INTS9: variants seen among roughly 807,000 people sequenced by gnomAD.
INTS9 encodes the protein integrator complex subunit 9, also known as protein related to CPSF subunits of 74 kDa.
In INTS9, 55 loss-of-function variants were observed where a neutral mutation model predicts 79.7. The observed-to-expected ratio is 0.69, with a 90% CI of 0.56 to 0.86. The LOEUF (loss-of-function observed/expected upper bound fraction) is 0.86, where lower values mean the gene tolerates loss of function less well. Among genes scored for constraint, INTS9 ranks in the 40% least tolerant of loss-of-function variants. The probability of loss-of-function intolerance (pLI) is 0.00; values close to 1 mark genes in which losing one functional copy is unlikely to be tolerated. For synonymous variants in INTS9, 319 were observed against 325.2 expected (o/e 0.98, Z 0.20); for missense variants, 721 against 831.5 (o/e 0.87, Z 1.64).
At chr8:28,770,058 G>C in intron 15 of INTS9, 32 bp from the exon 16 acceptor site, 1 of 1,608,910 alleles carries the variant, frequency 6.2e-7, no homozygotes, top group Non-Finnish European at 8.5e-7. Flanking sequence ...GCTTTCATGA[G>C]CTTCCTCTGA....
rs377176771 is a variant in INTS9, at chr8:28,837,748, T to A, written c.290A>T (p.Asp97Val). 6.2e-7 allele frequency: 1 copy of A among 1,613,946 alleles called. No individual in the cohort carries two copies. The highest frequency in any genetic ancestry group is 8.5e-7 in the Non-Finnish European group (1 of 1,179,878). Residue 97 changes from aspartate (D) to valine (V), a missense_variant, in exon 5 of 17, where the codon GAT (aspartate) becomes GTT (valine). Physicochemically the swap from Asp to Val is radical, Grantham distance 152 (BLOSUM62 -3). Around this residue, in one of 3 missense-constraint regions of INTS9, gnomAD observed 291 missense variants for 307.0 expected, o/e 0.95. Coordinates refer to ENST00000521022, the MANE Select transcript of INTS9 (RefSeq NM_018250.4). The part of the protein sequence containing the change: ...ETELIDLSTV[D>V]VILISNYHCM... ...GTGATAGTTAGAGATGAGAATCACA[T>A]CTACTGTAGACAGATCTATTAGCTC... is the stretch of plus-strand genomic sequence containing the variant.
chr8:28,889,962 T>C lies in INTS9; in HGVS notation c.-80A>G, dbSNP rs540201903. On this transcript the variant is annotated 5_prime_UTR_variant, in exon 1 of 17. Coordinates refer to ENST00000521022, the MANE Select transcript of INTS9 (RefSeq NM_018250.4). Reference sequence around the variant, plus strand: ...GTCTTCCGGTGCAATCTCCGCCACCTGCCAGCCGAGAGCATCGCGGGACTT... The same window carrying C: ...GTCTTCCGGTGCAATCTCCGCCACCCGCCAGCCGAGAGCATCGCGGGACTT... 4.1e-6 allele frequency: 5 copies of C among 1,206,676 alleles called. No individual in the cohort carries two copies. In the African/African-American group the frequency reaches 6.0e-5, roughly 14 times the overall value. The allele number at this position is 1,206,676 out of a possible 1,614,324, so 74.7% of individuals were successfully genotyped here.
intron 6 of INTS9, among the ~76,000 whole-genome samples, chr8:28,822,695 AG>A (rs1304711486): frequency 2.0e-5 from 3 of 152,266 alleles, no homozygotes; most frequent in African/African-American, 7.2e-5. Context: ...CTAAAGATCT[AG>A]GTTCAAAATA....
In INTS9 at chr8:28,769,897, G is replaced by A; in HGVS notation, c.1792C>T (p.Leu598=). The change falls in exon 16 of 17, where the codon CTG becomes TTG. Residue 598 remains leucine (L), a synonymous_variant. Coordinates refer to ENST00000521022, the MANE Select transcript of INTS9 (RefSeq NM_018250.4). ...CAGCGAAACCAGCTCACCTTCTCCA[G>A]GGTCTGCACGAACTGCTCCACAGGG... is the stretch of plus-strand genomic sequence containing the variant. ...SIPVEQFVQT[L]EKHGFSDIKV... is the part of the protein sequence containing the mutation. 4 of 1,614,088 alleles carry A rather than the reference G, an allele frequency of 2.5e-6. No individual in the cohort carries two copies. Among genetic ancestry groups the A allele is most frequent in the Non-Finnish European group, 3.4e-6 (4 of 1,179,980 alleles).
intron 4 of INTS9, among the ~76,000 whole-genome samples, chr8:28,839,862 A>C (rs1162205155): frequency 6.1e-5 from 9 of 148,674 alleles, no homozygotes; most frequent in East Asian, 3.9e-4. Flanking sequence ...AGGCATTACC[A>C]TTCAGGACAT....
intron 8 of INTS9, among the ~76,000 whole-genome samples, chr8:28,809,836 C>T (rs916682708): frequency 3.9e-5 from 6 of 152,188 alleles, no homozygotes; most frequent in Admixed American, 1.3e-4. Flanking sequence ...AAAATAGCAA[C>T]GTCCCCTCTA....
intron 4 of INTS9, among the ~76,000 whole-genome samples, chr8:28,842,921 G>A (rs1274332409): frequency 6.6e-6 from 1 of 152,104 alleles, no homozygotes. Flanking sequence ...GTGTGATGAG[G>A]CTCAAAGGTT....
chr8:28,856,745 G>A (rs1190360596), intron 2 of INTS9, among the ~76,000 whole-genome samples: 1 of 152,146 alleles, frequency 6.6e-6, no homozygotes, highest in East Asian at 1.9e-4. Context: ...TAGATTCATA[G>A]GGTACATGTG....
At chr8:28,862,154 C>A (rs1808497342) in intron 1 of INTS9, 5 of 985,428 alleles carry the variant, frequency 5.1e-6, no homozygotes, top group Non-Finnish European at 6.0e-6. Flanking sequence ...GCTCTTTGTG[C>A]AATTCCAGTT....
At chr8:28,796,812 G>T in intron 8 of INTS9, 157 bp from the exon 9 acceptor site, 1 of 585,742 alleles carries the variant, frequency 1.7e-6, no homozygotes, top group Non-Finnish European at 3.1e-6. Context: ...TTAACCACTG[G>T]CTGCCTAAGT....
chr8:28,769,582 C>T (rs568067281), intron 16 of INTS9: 10 of 232,680 alleles, frequency 4.3e-5, no homozygotes, highest in Admixed American at 3.3e-4. Context: ...CTGGCAGGGC[C>T]GGGTCCCTCT....
intron 2 of INTS9, among the ~76,000 whole-genome samples, chr8:28,853,477 CA>C (rs1049103391): frequency 6.6e-6 from 1 of 150,390 alleles, no homozygotes; most frequent in Admixed American, 6.6e-5. Flanking sequence ...GTAAAGGTAC[CA>C]AAAAAATGAT....
intron 16 of INTS9, among the ~76,000 whole-genome samples, chr8:28,768,645 C>G (rs1178445828): frequency 1.3e-5 from 2 of 152,238 alleles, no homozygotes; most frequent in Admixed American, 1.3e-4. Flanking sequence ...TGACAGCTCC[C>G]TCCTAAGTTT....
chr8:28,849,272 G>A (rs1393709394), intron 3 of INTS9, among the ~76,000 whole-genome samples: 3 of 152,156 alleles, frequency 2.0e-5, no homozygotes, highest in Admixed American at 1.3e-4. Context: ...TTAGTACGAA[G>A]TTTGACTAGC....
intron 2 of INTS9, among the ~76,000 whole-genome samples, chr8:28,858,446 T>C (rs1808289044): frequency 1.3e-5 from 2 of 152,204 alleles, no homozygotes; most frequent in Non-Finnish European, 2.9e-5. Flanking sequence ...AAATAACCAA[T>C]TGTCATGTAA....
At chr8:28,813,404 A>G in intron 7 of INTS9, 88 bp downstream of exon 7, 1 of 1,359,272 alleles carries the variant, frequency 7.4e-7, no homozygotes, top group Non-Finnish European at 1.0e-6. Context: ...TGGCTTTAAA[A>G]ACGTAACTAT....
chr8:28,813,347 C>A (rs1182124232), intron 7 of INTS9, 145 bp downstream of exon 7: 1 of 788,962 alleles, frequency 1.3e-6, no homozygotes, highest in East Asian at 2.6e-5. Context: ...TAAAATCCTG[C>A]GCGGAACGGA....
At chr8:28,880,159 CTT>C (rs1221385787) in intron 1 of INTS9, among the ~76,000 whole-genome samples, 2 of 152,074 alleles carry the variant, frequency 1.3e-5, no homozygotes, top group African/African-American at 2.4e-5. Context: ...GGAAAGAAGA[CTT>C]ATAAAGCTAG....
At chr8:28,858,333 A>G (rs1443194819) in intron 2 of INTS9, among the ~76,000 whole-genome samples, 3 of 152,194 alleles carry the variant, frequency 2.0e-5, no homozygotes. Flanking sequence ...TTCATCTCTA[A>G]ATCCTCTGGT....
Sources: allele counts gnomAD v4.1 joint callset (sites outside exome capture counted in the v4.1 genomes callset), GRCh38; gene constraint gnomAD v4.1.1; regional missense constraint gnomAD v4.1.1; transcripts MANE v1.5; gene names NCBI Gene and HGNC (gene_info 2026-07-23, HGNC 2026-07-21).